Variants in SYTL2 observed in about 807,000 individuals in gnomAD.
The protein encoded by SYTL2 is synaptotagmin like 2.
Under a neutral mutation model 198.7 loss-of-function variants are expected in SYTL2, and 165 were observed. The observed-to-expected ratio is 0.83, with a 90% CI of 0.73 to 0.94. The LOEUF (loss-of-function observed/expected upper bound fraction) is 0.94, where lower values mean the gene tolerates loss of function less well. SYTL2 is among the 40% of genes least tolerant of loss of function. The pLI, the probability that SYTL2 is intolerant of heterozygous loss-of-function variation, is 0.00. For missense variants in SYTL2, 2,835 were observed against 2,582.8 expected, an observed-to-expected ratio of 1.10 and a Z score of -2.12; for synonymous variants, 966 against 917.7, an observed-to-expected ratio of 1.05 and a Z score of -0.95.
the SYTL2 span, among the ~76,000 whole-genome samples, chr11:85,848,143 G>C: frequency 6.6e-6 from 1 of 152,070 alleles, no homozygotes; most frequent in Non-Finnish European, 1.5e-5. Context: ...GGTAGGCTGA[G>C]GCAGGAGGAT....
chr11:85,776,062 A>G lies in SYTL2; in HGVS notation c.-389-17948T>C, dbSNP rs151201816. Among the ~76,000 whole-genome samples the G allele has an allele frequency of 1.7e-3, 257 of 152,290 alleles. 1 individual carries two copies. Among genetic ancestry groups the G allele is most frequent in the Non-Finnish European group, 6.2e-4 (42 of 68,024 alleles). On this transcript the variant is annotated intron_variant, in intron 1 of 19. Coordinates refer to ENST00000359152, the MANE Select transcript of SYTL2 (RefSeq NM_206927.4). ...CAGAAGATGAGTGAGTCCTCACTCT[A>G]TTAGTTCCCTTGAGAGCTGATTGTT...
At chr11:85,844,175 C>A in the SYTL2 span, among the ~76,000 whole-genome samples, 1 of 152,216 alleles carries the variant, frequency 6.6e-6, no homozygotes, top group Non-Finnish European at 1.5e-5. Flanking sequence ...TAGCTGAAGC[C>A]TCTCAATTTC....
intron 15 of SYTL2, 145 bp from the exon 16 acceptor site, chr11:85,705,173 T>G (rs1314879212): frequency 3.6e-6 from 2 of 554,618 alleles, no homozygotes; most frequent in Non-Finnish European, 6.3e-6. Context: ...CAAAGTCATC[T>G]TATTCTAAGC....
intron 10 of SYTL2, 65 bp from the exon 11 acceptor site, chr11:85,717,595 G>A: frequency 7.3e-7 from 1 of 1,364,318 alleles, no homozygotes. Flanking sequence ...AGACATGAAA[G>A]TAAAGCTCAA....
At chr11:85,709,218 A>G in intron 14 of SYTL2, 113 bp downstream of exon 14, 1 of 992,318 alleles carries the variant, frequency 1.0e-6, no homozygotes, top group Non-Finnish European at 1.5e-6. Flanking sequence ...CTTTTCAAAC[A>G]TTCCTCTTAA....
intron 14 of SYTL2, among the ~76,000 whole-genome samples, chr11:85,708,897 G>C (rs949155011): frequency 8.8e-4 from 123 of 140,038 alleles, no homozygotes; most frequent in Non-Finnish European, 2.5e-4. Flanking sequence ...CCAGGCTGGA[G>C]TGCAGTGGCC....
the SYTL2 span, chr11:85,853,629 T>G: frequency 2.3e-5 from 3 of 129,152 alleles, no homozygotes; most frequent in African/African-American, 9.1e-5. Flanking sequence ...CAAATCCCCC[T>G]CTGCGAGAAA....
chr11:85,715,112 C>T lies in SYTL2; in HGVS notation c.5531-605G>A, dbSNP rs562222159. On this transcript the variant is annotated intron_variant, in intron 11 of 19. Coordinates refer to ENST00000359152, the MANE Select transcript of SYTL2 (RefSeq NM_206927.4). The stretch of plus-strand genomic sequence containing the variant: ...CTCACTGATTCAGAATTTTCAATAT[C>T]CCAAGGCAAAGTTAGAATGGTTAAA... 3.9e-5 allele frequency: 6 copies of T among 152,132 alleles called. No individual in the cohort carries two copies. In the East Asian group the frequency reaches 1.2e-3, roughly 29 times the overall value. 9.4% of individuals were successfully genotyped at this position (152,132 alleles called of 1,614,324 possible). A position where few individuals can be genotyped will look rare whatever the true frequency, so the allele number is the denominator to read the frequency against.
At chr11:85,777,891 G>A (rs1349874601) in intron 1 of SYTL2, among the ~76,000 whole-genome samples, 1 of 128,622 alleles carries the variant, frequency 7.8e-6, no homozygotes, top group East Asian at 2.5e-4. Flanking sequence ...CATAATCTCG[G>A]CTCACTGCAA....
rs779203646 is a variant in SYTL2 at position 85,700,591 on chromosome 11, T to C, written c.6192A>G (p.Thr2064=). ...TTTCTGCTTCAAGGGCAACTGGTGC[T>C]GTCTGAAAAGTGAAGAAATGTCAGC... ...QLRWYPLKRK[T]APVALEAENR... is the part of the protein sequence containing the mutation. Residue 2064 remains threonine (T), a splice_region_variant and synonymous_variant, in exon 17 of 20, where the codon ACA becomes ACG. Transcript: ENST00000359152. 1.9e-6 allele frequency: 3 copies of C among 1,613,704 alleles called. No individual in the cohort carries two copies. The highest frequency in any genetic ancestry group is 4.5e-5 in the East Asian group (2 of 44,884).
intron 7 of SYTL2, among the ~76,000 whole-genome samples, chr11:85,730,722 T>C (rs1431038451): frequency 6.6e-6 from 1 of 151,984 alleles, no homozygotes; most frequent in African/African-American, 2.4e-5. Context: ...CTATTCAACA[T>C]AGTATTGGAA....
intron 1 of SYTL2, among the ~76,000 whole-genome samples, chr11:85,806,396 A>T (rs1269612505): frequency 6.6e-6 from 1 of 152,352 alleles, no homozygotes; most frequent in African/African-American, 2.4e-5. Flanking sequence ...CCAAATGGGC[A>T]CTAGGCAAAA....
chr11:85,813,447 C>G (rs931349923), upstream of SYTL2, among the ~76,000 whole-genome samples: 1 of 152,194 alleles, frequency 6.6e-6, no homozygotes, highest in Non-Finnish European at 1.5e-5. Context: ...CATATCAAGT[C>G]AGCAATGGCC....
intron 1 of SYTL2, among the ~76,000 whole-genome samples, chr11:85,795,323 TA>T (rs140391051): frequency 5.3e-5 from 8 of 151,408 alleles, no homozygotes; most frequent in African/African-American, 1.9e-4. Flanking sequence ...CCATCAGATC[TA>T]AAAAAAAACT....
chr11:85,840,296 G>A, the SYTL2 span, among the ~76,000 whole-genome samples: 2 of 152,042 alleles, frequency 1.3e-5, no homozygotes, highest in Non-Finnish European at 2.9e-5. Context: ...AACTTGATGT[G>A]ATCCCATTTG....
At chr11:85,843,138 C>A in the SYTL2 span, among the ~76,000 whole-genome samples, 3 of 152,084 alleles carry the variant, frequency 2.0e-5, no homozygotes, top group Admixed American at 2.0e-4. Context: ...CTTTGGGAGG[C>A]CGAGGCGGGC....
intron 1 of SYTL2, among the ~76,000 whole-genome samples, chr11:85,809,066 T>C (rs2153663653): frequency 6.6e-6 from 1 of 152,320 alleles, no homozygotes; most frequent in East Asian, 1.9e-4. Flanking sequence ...TTGAAGATGG[T>C]GGAACCTGGG....
the SYTL2 span, among the ~76,000 whole-genome samples, chr11:85,831,238 C>T: frequency 6.6e-6 from 1 of 152,180 alleles, no homozygotes; most frequent in Non-Finnish European, 1.5e-5. Flanking sequence ...ATGAAGGATA[C>T]TAGCTTTAAA....
chr11:85,741,044 ATAG>A (rs1310439628), intron 4 of SYTL2, among the ~76,000 whole-genome samples: 3 of 152,042 alleles, frequency 2.0e-5, no homozygotes, highest in Non-Finnish European at 2.9e-5. Flanking sequence ...ACAGTTAAAA[ATAG>A]TAGCAGATAT....
Sources: gnomAD v4.1 joint callset for allele counts (sites outside exome capture counted in the v4.1 genomes callset) on GRCh38, gnomAD v4.1.1 for gene constraint, MANE v1.5 for transcripts, NCBI Gene and HGNC (gene_info 2026-07-23, HGNC 2026-07-21) for gene names.